LRRC4C: variants seen among roughly 807,000 people sequenced by gnomAD.
LRRC4C encodes leucine rich repeat containing 4C.
In LRRC4C, 5 loss-of-function variants were observed where a neutral mutation model predicts 33.6. The observed-to-expected ratio is 0.15, with a 90% confidence interval of 0.08 to 0.31. The LOEUF is 0.31. LRRC4C is among the 10% of genes least tolerant of loss of function. LRRC4C has a pLI of 1.00. For synonymous variants in LRRC4C, 329 were observed against 302.0 expected (o/e 1.09, Z -0.93); for missense variants, 560 against 796.7 (o/e 0.70, Z 3.58).
intron 1 of LRRC4C, among the ~76,000 whole-genome samples, chr11:41,177,972 A>T (rs1241919299): frequency 2.0e-5 from 3 of 152,314 alleles, no homozygotes; most frequent in African/African-American, 7.2e-5. Flanking sequence ...CTCAACTCGG[A>T]AAAAAGCCAA....
At chr11:41,140,635 T>C (rs2135904519) in intron 1 of LRRC4C, among the ~76,000 whole-genome samples, 1 of 152,312 alleles carries the variant, frequency 6.6e-6, no homozygotes, top group South Asian at 2.1e-4. Context: ...TTCACCTCAT[T>C]CATTTATGCA....
intron 2 of LRRC4C, among the ~76,000 whole-genome samples, chr11:40,767,028 G>A (rs1242184143): frequency 2.0e-5 from 2 of 101,846 alleles, no homozygotes; most frequent in Non-Finnish European, 4.7e-5. Context: ...CAGAGTGGCT[G>A]GATGGAGAAA....
At chr11:40,566,098 T>G (rs899386988) in intron 3 of LRRC4C, among the ~76,000 whole-genome samples, 27 of 149,044 alleles carry the variant, frequency 1.8e-4, no homozygotes, top group African/African-American at 3.4e-4. Flanking sequence ...TTTTTTTTTT[T>G]TTTTTTTTTT....
In LRRC4C at chr11:40,843,145, G is replaced by A. The variant is rs560902117; in HGVS notation, c.-407+90490C>T. Among the ~76,000 whole-genome samples, 11 of 152,140 alleles carry A rather than the reference G, an allele frequency of 7.2e-5. 1 individual carries two copies. In the South Asian group the frequency reaches 2.1e-3, roughly 29 times the overall value. On this transcript the variant is annotated intron_variant, in intron 2 of 6. Transcript: ENST00000528697. ...TTGCCTGGTGACGAACTGACCCCTG[G>A]ATAGTGCAATAGCCACATTGGATGA...
At chr11:40,833,265 G>T (rs1952500441) in intron 2 of LRRC4C, among the ~76,000 whole-genome samples, 2 of 152,008 alleles carry the variant, frequency 1.3e-5, no homozygotes, top group African/African-American at 4.8e-5. Flanking sequence ...AATTGAAATT[G>T]CTTATACAGA....
chr11:41,094,382 G>A (rs533434840), intron 1 of LRRC4C, among the ~76,000 whole-genome samples: 38 of 151,808 alleles, frequency 2.5e-4, no homozygotes, highest in Admixed American at 7.2e-4. Flanking sequence ...AAAATTAGCC[G>A]GCCTGGTGGC....
At chr11:40,890,792 AT>A (rs1464859883) in intron 2 of LRRC4C, among the ~76,000 whole-genome samples, 1 of 152,054 alleles carries the variant, frequency 6.6e-6, no homozygotes, top group African/African-American at 2.4e-5. Flanking sequence ...AATCCCCAAA[AT>A]TACCCTGGAA....
At chr11:40,960,490 G>C (rs1850901341) in intron 1 of LRRC4C, among the ~76,000 whole-genome samples, 1 of 151,596 alleles carries the variant, frequency 6.6e-6, no homozygotes, top group Non-Finnish European at 1.5e-5. Flanking sequence ...AATTCTGTGG[G>C]AAAGCCCATG....
At chr11:40,858,932 A>T (rs1281961703) in intron 2 of LRRC4C, among the ~76,000 whole-genome samples, 1 of 152,148 alleles carries the variant, frequency 6.6e-6, no homozygotes, top group African/African-American at 2.4e-5. Context: ...TGCCAAATAG[A>T]CAAAAACTGT....
At chr11:41,411,555 A>C (rs1954491430) in intron 1 of LRRC4C, among the ~76,000 whole-genome samples, 1 of 152,222 alleles carries the variant, frequency 6.6e-6, no homozygotes. Context: ...ATTGTACTTC[A>C]GATAAATCCA....
rs556725575 is a variant in LRRC4C at position 40,527,296 on chromosome 11, A to G, written c.-270+120846T>C. Reference sequence around the variant, plus strand: ...ACTTTACGTGCTTATTAAAAATTAAAGATATAGATTGAAAATGAAAGAGGA... The same window carrying G: ...ACTTTACGTGCTTATTAAAAATTAAGGATATAGATTGAAAATGAAAGAGGA... On this transcript the variant is annotated intron_variant, in intron 3 of 6. Coordinates refer to ENST00000528697, the MANE Select transcript of LRRC4C (RefSeq NM_001258419.2). Among the ~76,000 whole-genome samples, 3 of 152,304 alleles carry G rather than the reference A, an allele frequency of 2.0e-5. No homozygotes were observed. The East Asian group carries it at 5.8e-4, about 29-fold the overall frequency.
At chr11:40,134,526 A>G (rs992452961) in intron 6 of LRRC4C, among the ~76,000 whole-genome samples, 5 of 152,200 alleles carry the variant, frequency 3.3e-5, no homozygotes, top group African/African-American at 1.2e-4. Context: ...GCAAAACTGG[A>G]AGGGAAAAGG....
intron 1 of LRRC4C, among the ~76,000 whole-genome samples, chr11:41,083,458 A>G (rs1245318268): frequency 6.6e-6 from 1 of 152,152 alleles, no homozygotes; most frequent in Non-Finnish European, 1.5e-5. Flanking sequence ...AGCCCGCCAC[A>G]TTTCATCAGC....
At chr11:40,945,154 C>T (rs1414255883) in intron 1 of LRRC4C, among the ~76,000 whole-genome samples, 1 of 151,690 alleles carries the variant, frequency 6.6e-6, no homozygotes, top group Non-Finnish European at 1.5e-5. Flanking sequence ...CTCAGCCTCC[C>T]GAGTAGCTGG....
In LRRC4C at chr11:41,022,142, T is replaced by TTATATATATATATATATA. The variant is rs142909883; in HGVS notation, c.-495-88437_-495-88420dup. ...AATTTTATGAGCTTACAATTTTGTT[T>TTATATATATATATATATA]TATATATATATATATATATATATGT... On this transcript the variant is annotated intron_variant, in intron 1 of 6. Transcript: ENST00000528697. Among the ~76,000 whole-genome samples, 204 of 139,020 alleles carry TTATATATATATATATATA rather than the reference T, an allele frequency of 1.5e-3. 1 individual carries two copies. The highest frequency in any genetic ancestry group is 4.9e-3 in the African/African-American group (181 of 36,660). The allele number at this position is 139,020 out of a possible 152,430, so 91.2% of individuals were successfully genotyped here. A position where few individuals can be genotyped will look rare whatever the true frequency, so the allele number is the denominator to read the frequency against.
intron 1 of LRRC4C, among the ~76,000 whole-genome samples, chr11:41,402,664 C>T (rs937566210): frequency 5.3e-5 from 8 of 151,724 alleles, no homozygotes; most frequent in African/African-American, 1.9e-4. Flanking sequence ...CTTCCTATAG[C>T]AGAATTTCTA....
chr11:40,730,059 A>G (rs1253712673), intron 2 of LRRC4C, among the ~76,000 whole-genome samples: 1 of 151,604 alleles, frequency 6.6e-6, no homozygotes, highest in African/African-American at 2.4e-5. Context: ...GAACAGTGAG[A>G]TCACGTGGAC....
chr11:40,876,707 T>C (rs778056067), intron 2 of LRRC4C, among the ~76,000 whole-genome samples: 10 of 151,598 alleles, frequency 6.6e-5, no homozygotes, highest in Non-Finnish European at 1.3e-4. Flanking sequence ...GATTGAGACC[T>C]TACTGGCCAA....
intron 3 of LRRC4C, among the ~76,000 whole-genome samples, chr11:40,453,209 C>T (rs1188955080): frequency 6.6e-6 from 1 of 152,064 alleles, no homozygotes; most frequent in East Asian, 1.9e-4. Flanking sequence ...AATCTCAATT[C>T]TAAACTTGCC....
Sources: gnomAD v4.1 joint callset for allele counts (sites outside exome capture counted in the v4.1 genomes callset) on GRCh38, gnomAD v4.1.1 for gene constraint, MANE v1.5 for transcripts, NCBI Gene and HGNC (gene_info 2026-07-23, HGNC 2026-07-21) for gene names.